The following RANBP2 variants were observed in gnomAD, a reference collection of about 807,000 sequenced individuals.
The protein encoded by RANBP2 is RAN binding protein 2.
In RANBP2, 57 loss-of-function variants were observed where a neutral mutation model predicts 303.6. The ratio of observed to expected loss-of-function variants is 0.19; its 90% CI spans 0.15 to 0.23. The LOEUF is 0.23. Ranked by LOEUF, RANBP2 falls within the 10% of genes least tolerant of loss-of-function variation. The probability of loss-of-function intolerance (pLI) is 1.00; values close to 1 mark genes in which losing one functional copy is unlikely to be tolerated. For synonymous variants in RANBP2, 1,167 were observed against 1,301.5 expected (o/e 0.90, Z 2.23); for missense variants, 3,138 against 3,780.8 (o/e 0.83, Z 4.46).
chr2:109,687,480 G>T, the RANBP2 span, among the ~76,000 whole-genome samples: 4 of 152,136 alleles, frequency 2.6e-5, no homozygotes, highest in Admixed American at 2.6e-4. Flanking sequence ...ATGGGCTCTA[G>T]AATGAATTCA....
chr2:108,731,329 T>A lies in RANBP2; in HGVS notation c.260T>A (p.Val87Glu). ...DKAVECYRRS[V>E]ELNPTQKDLV... ...TTTCTTTTCTGATATTAGCGTTCAGTGGAATTAAACCCAACACAAAAAGAT... is the reference window on the plus strand; with the variant it reads ...TTTCTTTTCTGATATTAGCGTTCAGAGGAATTAAACCCAACACAAAAAGAT... The change falls in exon 4 of 29, where the codon GTG (valine) becomes GAG (glutamate). Residue 87 changes from valine to glutamate, a missense_variant. Transcript: ENST00000283195. The A allele has an allele frequency of 6.2e-7, 1 of 1,611,156 alleles. No individual in the cohort carries two copies. Among genetic ancestry groups the A allele is most frequent in the Non-Finnish European group, 8.5e-7 (1 of 1,179,422 alleles).
At chr2:109,400,930 C>T in the RANBP2 span, among the ~76,000 whole-genome samples, 1 of 152,218 alleles carries the variant, frequency 6.6e-6, no homozygotes, top group African/African-American at 2.4e-5. Context: ...TTGGTCCCAA[C>T]CCTAACTCCA....
the RANBP2 span, among the ~76,000 whole-genome samples, chr2:109,385,457 T>C: frequency 3.6e-3 from 543 of 152,352 alleles, 3 homozygotes; most frequent in African/African-American, 0.012. Flanking sequence ...TTTTTGATGC[T>C]GCAATATGAA....
At chr2:109,086,699 A>G in the RANBP2 span, among the ~76,000 whole-genome samples, 1 of 152,134 alleles carries the variant, frequency 6.6e-6, no homozygotes, top group South Asian at 2.1e-4. Context: ...CTGTGGGACA[A>G]CACCATGAGC....
At chr2:109,730,438 T>C in the RANBP2 span, among the ~76,000 whole-genome samples, 2 of 152,200 alleles carry the variant, frequency 1.3e-5, no homozygotes, top group Admixed American at 6.5e-5. Context: ...CTTCCTCCAG[T>C]GTCTCCATGA....
downstream of RANBP2, chr2:108,786,797 G>A (rs1573873864): frequency 1.9e-6 from 3 of 1,569,392 alleles, no homozygotes; most frequent in Non-Finnish European, 2.6e-6. Context: ...CGGTTCCCGG[G>A]GAGACTGGTA....
chr2:109,449,379 G>A, the RANBP2 span: 41 of 1,611,344 alleles, frequency 2.5e-5, no homozygotes, highest in Non-Finnish European at 3.4e-5. Context: ...ACCTCCCAAC[G>A]TCAGTGCCGC....
chr2:109,276,027 T>C, the RANBP2 span, among the ~76,000 whole-genome samples: 55 of 152,308 alleles, frequency 3.6e-4, no homozygotes, highest in African/African-American at 1.3e-3. Context: ...GAGGATTTCA[T>C]GGTTCAGTTG....
chr2:109,349,618 A>G, the RANBP2 span, among the ~76,000 whole-genome samples: 4 of 152,216 alleles, frequency 2.6e-5, no homozygotes, highest in Non-Finnish European at 5.9e-5. Flanking sequence ...GACAGACCCC[A>G]TAATGGCTCT....
At chr2:109,622,567 T>C in the RANBP2 span, among the ~76,000 whole-genome samples, 6 of 152,192 alleles carry the variant, frequency 3.9e-5, no homozygotes, top group Non-Finnish European at 7.3e-5. Flanking sequence ...ATCAAATTAA[T>C]TTGGGTCAGG....
chr2:109,721,820 G>A, the RANBP2 span, among the ~76,000 whole-genome samples: 203 of 152,336 alleles, frequency 1.3e-3, no homozygotes, highest in Non-Finnish European at 1.6e-3. Flanking sequence ...GCCCTACAAC[G>A]AGGGGTCTCC....
chr2:109,551,666 A>G, the RANBP2 span, among the ~76,000 whole-genome samples: 25 of 152,314 alleles, frequency 1.6e-4, no homozygotes, highest in African/African-American at 5.5e-4. Context: ...TAAAACATCA[A>G]AATTCGCATT....
At chr2:109,155,847 T>C in the RANBP2 span, among the ~76,000 whole-genome samples, 9 of 152,238 alleles carry the variant, frequency 5.9e-5, no homozygotes, top group Non-Finnish European at 5.9e-5. Context: ...TTCAAACTGC[T>C]AAAGCTTTGT....
the RANBP2 span, among the ~76,000 whole-genome samples, chr2:109,465,494 G>A: frequency 6.6e-6 from 1 of 152,146 alleles, no homozygotes; most frequent in Non-Finnish European, 1.5e-5. Flanking sequence ...AGCATTCAGT[G>A]TTGTCACTGT....
chr2:109,105,906 T>G, the RANBP2 span, among the ~76,000 whole-genome samples: 5 of 143,434 alleles, frequency 3.5e-5, no homozygotes, highest in Admixed American at 7.4e-5. Context: ...CAGGCTGGAG[T>G]GCAGTGGCAC....
the RANBP2 span, among the ~76,000 whole-genome samples, chr2:109,547,742 A>T: frequency 6.6e-6 from 1 of 152,204 alleles, no homozygotes; most frequent in Non-Finnish European, 1.5e-5. Flanking sequence ...GCTTTAAAAC[A>T]ACTGGGATAT....
the RANBP2 span, among the ~76,000 whole-genome samples, chr2:109,426,550 G>A: frequency 2.6e-5 from 4 of 152,234 alleles, no homozygotes; most frequent in African/African-American, 9.6e-5. Flanking sequence ...ATGAGGAGTT[G>A]CTCCTTCTAG....
chr2:108,837,922 C>T, the RANBP2 span, among the ~76,000 whole-genome samples: 3,100 of 149,916 alleles, frequency 0.021, 91 homozygotes, highest in African/African-American at 0.069. Flanking sequence ...ATAATTTTTT[C>T]GATTTTTTTT....
the RANBP2 span, among the ~76,000 whole-genome samples, chr2:109,520,589 A>C: frequency 1.6e-5 from 2 of 123,180 alleles, no homozygotes; most frequent in African/African-American, 3.1e-5. Context: ...ACAGAGCAAG[A>C]CTCCATCTCA....
Sources: allele counts gnomAD v4.1 joint callset (sites outside exome capture counted in the v4.1 genomes callset), GRCh38; gene constraint gnomAD v4.1.1; transcripts MANE v1.5; gene names NCBI Gene and HGNC (gene_info 2026-07-23, HGNC 2026-07-21).